NBR1: variants seen among roughly 807,000 people sequenced by gnomAD.
NBR1 encodes the protein NBR1 autophagy cargo receptor, also known as next to BRCA1 gene 1 protein.
NBR1 carries 59 observed loss-of-function variants against 115.5 expected under a neutral mutation model. The ratio of observed to expected loss-of-function variants is 0.51; its 90% CI spans 0.41 to 0.63. The LOEUF (loss-of-function observed/expected upper bound fraction) is 0.63, where lower values mean the gene tolerates loss of function less well. Ranked by LOEUF, NBR1 falls within the 30% of genes least tolerant of loss-of-function variation. The pLI is 0.00. For synonymous variants in NBR1, 373 were observed against 414.7 expected, an observed-to-expected ratio of 0.90 and a Z score of 1.22; for missense variants, 1,043 against 1,150.5, an observed-to-expected ratio of 0.91 and a Z score of 1.35.
intron 10 of NBR1, 110 bp downstream of exon 10, chr17:43,191,691 T>G: frequency 8.6e-6 from 6 of 694,676 alleles, no homozygotes; most frequent in Non-Finnish European, 1.2e-5. Context: ...CCTAAATCTT[T>G]AAAACTTTCC....
chr17:43,195,101 T>C, intron 14 of NBR1, 62 bp downstream of exon 14: 1 of 1,243,070 alleles, frequency 8.0e-7, no homozygotes, highest in Non-Finnish European at 1.2e-6. Context: ...TACCACAGCC[T>C]AGACACTGGT....
intron 4 of NBR1, among the ~76,000 whole-genome samples, chr17:43,180,074 T>A (rs946338337): frequency 6.6e-6 from 1 of 152,228 alleles, no homozygotes; most frequent in Non-Finnish European, 1.5e-5. Flanking sequence ...AAGCTAAGAA[T>A]TCTTTAAAGT....
In NBR1 at chr17:43,201,744, C is replaced by G. The variant is rs1189745800; in HGVS notation, c.2527C>G (p.Pro843Ala). 6.2e-7 allele frequency: 1 copy of G among 1,607,310 alleles called. No homozygotes were observed. Among genetic ancestry groups the G allele is most frequent in the Non-Finnish European group, 8.5e-7 (1 of 1,173,926 alleles). Residue 843 changes from proline (P) to alanine (A), a missense_variant, in exon 18 of 21, where the codon CCA (proline) becomes GCA (alanine). Pro to Ala is a conservative substitution (Grantham distance 27). Coordinates refer to ENST00000590996, the MANE Select transcript of NBR1 (RefSeq NM_005899.5). The part of the protein sequence containing the change: ...SPGVDLPVTI[P>A]EVSSVPDQIR... Reference sequence around the variant, plus strand: ...AGGAGTGGATTTACCAGTTACCATACCAGAAGTTTCTTCAGTCCCTGATCA... The same window carrying G: ...AGGAGTGGATTTACCAGTTACCATAGCAGAAGTTTCTTCAGTCCCTGATCA...
Position 43,196,937 on chromosome 17 carries a change from T to C in NBR1, c.1862-5T>C. 6.2e-7 allele frequency: 1 copy of C among 1,613,988 alleles called. No homozygotes were observed. The highest frequency in any genetic ancestry group is 8.5e-7 in the Non-Finnish European group (1 of 1,179,874). On this transcript the variant is annotated splice_polypyrimidine_tract_variant and splice_region_variant and intron_variant, in intron 15 of 20. Transcript: ENST00000590996. Reference sequence around the variant, plus strand: ...CAGTGCAGATAAGGTTCGTGTGTCTTTCAGATTCTATGGTGTCAGTAAAGA... The same window carrying C: ...CAGTGCAGATAAGGTTCGTGTGTCTCTCAGATTCTATGGTGTCAGTAAAGA...
rs1381265183 is a variant in NBR1 at position 43,194,354 on chromosome 17, C to T, written c.1529C>T (p.Thr510Ile). 8 of 1,612,702 alleles carry T rather than the reference C, an allele frequency of 5.0e-6. No individual in the cohort carries two copies. The highest frequency in any genetic ancestry group is 6.8e-6 in the Non-Finnish European group (8 of 1,179,302). ...TDDLTCQQEE[T>I]FLLAKEERQL... ...CTCAATGGTTTGTCTCTATAGGAAA[C>T]TTTTCTTCTGGCTAAAGAAGAAAGA... Residue 510 changes from threonine to isoleucine, a missense_variant, in exon 13 of 21, where the codon ACT becomes ATT. By Grantham distance (89) the Thr-to-Ile change is moderately conservative. Transcript: ENST00000590996.
At chr17:43,188,137 G>A (rs373482711) in intron 6 of NBR1, among the ~76,000 whole-genome samples, 127 of 151,010 alleles carry the variant, frequency 8.4e-4, no homozygotes, top group African/African-American at 2.6e-3. Flanking sequence ...TGGTCCACCC[G>A]CCTCAGCCTC....
chr17:43,206,426 G>A (rs1224120375), intron 20 of NBR1, among the ~76,000 whole-genome samples: 1 of 152,126 alleles, frequency 6.6e-6, no homozygotes, highest in Non-Finnish European at 1.5e-5. Context: ...GGGAGGCCGA[G>A]GCGGGCAGAT....
At chr17:43,178,052 C>G in intron 3 of NBR1, 54 bp downstream of exon 3, 1 of 1,536,352 alleles carries the variant, frequency 6.5e-7, no homozygotes, top group Admixed American at 1.8e-5. Flanking sequence ...GATCTTATTT[C>G]TCCAGTGATA....
At chr17:43,173,365 T>C (rs1394056666) in intron 1 of NBR1, among the ~76,000 whole-genome samples, 9 of 151,956 alleles carry the variant, frequency 5.9e-5, no homozygotes, top group Non-Finnish European at 8.8e-5. Context: ...CTTGGCTCAC[T>C]GCAACCTTGC....
chr17:43,190,092 C>CTT, intron 8 of NBR1: 1 of 326,976 alleles, frequency 3.1e-6, no homozygotes, highest in South Asian at 3.8e-5. Flanking sequence ...GTTCCAAATG[C>CTT]CTTTTTTTTT....
rs1030022744 is a variant in NBR1, at chr17:43,188,905, G to A, written c.403-137G>A. The A allele has an allele frequency of 1.3e-5, 8 of 598,970 alleles. No individual in the cohort carries two copies. In the South Asian group the frequency reaches 1.6e-4, roughly 12 times the overall value. 37.1% of individuals were successfully genotyped at this position (598,970 alleles called of 1,614,324 possible). On this transcript the variant is annotated intron_variant, in intron 6 of 20. Transcript: ENST00000590996. ...TAGAGACTTTGTTTTCCTTTAGTAC[G>A]CCTTCATACTGTGACTTTTTAAAAA...
At chr17:43,195,218 A>G in intron 14 of NBR1, 179 bp downstream of exon 14, 1 of 614,262 alleles carries the variant, frequency 1.6e-6, no homozygotes, top group South Asian at 1.9e-5. Flanking sequence ...AAAAGTAACA[A>G]CATGCTGGGC....
Position 43,210,598 on chromosome 17 carries a change from C to T in NBR1, c.*524C>T. The T allele has an allele frequency of 2.5e-6, 1 of 398,486 alleles. No individual in the cohort carries two copies. Among genetic ancestry groups the T allele is most frequent in the Non-Finnish European group, 4.4e-6 (1 of 226,040 alleles). The allele number at this position is 398,486 out of a possible 1,614,324, so 24.7% of individuals were successfully genotyped here. A position where few individuals can be genotyped will look rare whatever the true frequency, so the allele number is the denominator to read the frequency against. On this transcript the variant is annotated 3_prime_UTR_variant, in exon 21 of 21. Transcript: ENST00000590996. The stretch of plus-strand genomic sequence containing the variant: ...TGATAGAAATGTTGTTACTCTTCCT[C>T]TCTCAAGGAGAAAGTAATTTTCCTG...
intron 1 of NBR1, among the ~76,000 whole-genome samples, chr17:43,172,190 C>G (rs1449315519): frequency 1.3e-5 from 2 of 152,166 alleles, no homozygotes; most frequent in African/African-American, 4.8e-5. Context: ...TGGCTGTAGA[C>G]CTAAGGGGCA....
intron 13 of NBR1, 139 bp downstream of exon 13, chr17:43,194,638 A>C: frequency 3.0e-6 from 3 of 988,248 alleles, no homozygotes; most frequent in Non-Finnish European, 4.5e-6. Flanking sequence ...TGGGAAGGAG[A>C]TCACCCATGG....
In NBR1 at chr17:43,209,982, C is replaced by G; in HGVS notation, c.2809C>G (p.Arg937Gly). ...ATTCTGTGACAGGCAGCTGAACCTA[C>G]GGCTGCTGAAGAAACACAATTACAA... Reference protein sequence around the residue: ...MGFCDRQLNLRLLKKHNYNIL... With the variant: ...MGFCDRQLNLGLLKKHNYNIL... Residue 937 changes from arginine (R) to glycine (G), a missense_variant, in exon 21 of 21, where the codon CGG (arginine) becomes GGG (glycine). Physicochemically the swap from Arg to Gly is moderately radical, Grantham distance 125. Coordinates refer to ENST00000590996, the MANE Select transcript of NBR1 (RefSeq NM_005899.5). 6.2e-7 allele frequency: 1 copy of G among 1,612,182 alleles called. No individual in the cohort carries two copies. Among genetic ancestry groups the G allele is most frequent in the Non-Finnish European group, 8.5e-7 (1 of 1,179,280 alleles).
chr17:43,180,073 ATTCTT>A (rs1597969520), intron 4 of NBR1, among the ~76,000 whole-genome samples: 2 of 152,234 alleles, frequency 1.3e-5, no homozygotes, highest in Admixed American at 6.5e-5. Context: ...TAAGCTAAGA[ATTCTT>A]TAAAGTCAGG....
intron 1 of NBR1, among the ~76,000 whole-genome samples, chr17:43,174,283 T>A (rs56096228): frequency 3.9e-5 from 6 of 152,110 alleles, no homozygotes; most frequent in Non-Finnish European, 7.4e-5. Flanking sequence ...TGTATAGATT[T>A]AAATTTTCCC....
rs144679915 is a variant in NBR1 at position 43,172,537 on chromosome 17, A to G, written c.-10+1235A>G. 2.1e-3 allele frequency among the ~76,000 whole-genome samples: 313 copies of G among 152,310 alleles called. 1 individual carries two copies. The highest frequency in any genetic ancestry group is 3.4e-3 in the Non-Finnish European group (231 of 68,028). On this transcript the variant is annotated intron_variant, in intron 1 of 20. Coordinates refer to ENST00000590996, the MANE Select transcript of NBR1 (RefSeq NM_005899.5). ...ACTTCATTTCCTTGATTTTTTGCCT[A>G]AGGTCCTGGGGAATTGACAAAGATT...
Sources: allele counts gnomAD v4.1 joint callset (sites outside exome capture counted in the v4.1 genomes callset), GRCh38; gene constraint gnomAD v4.1.1; transcripts MANE v1.5; gene names NCBI Gene and HGNC (gene_info 2026-07-23, HGNC 2026-07-21).